UTS2: variants seen among roughly 807,000 people sequenced by gnomAD.
The protein encoded by UTS2 is urotensin 2.
Under a neutral mutation model 12.6 loss-of-function variants are expected in UTS2, and 10 were observed. That is an observed-to-expected ratio of 0.80 (90% CI 0.49 to 1.35). The LOEUF is 1.35. Ranked by LOEUF, UTS2 falls within the 40% of genes most tolerant of loss-of-function variation. The pLI is 0.00. For synonymous variants in UTS2, 52 were observed against 50.0 expected, an observed-to-expected ratio of 1.04 and a Z score of -0.17; for missense variants, 142 against 143.2, an observed-to-expected ratio of 0.99 and a Z score of 0.04.
At chr1:7,889,946 G>A in the UTS2 span, among the ~76,000 whole-genome samples, 1 of 151,702 alleles carries the variant, frequency 6.6e-6, no homozygotes. Flanking sequence ...GGGTGCCTGT[G>A]ATCCCAGCTA....
At chr1:7,874,571 G>A in the UTS2 span, among the ~76,000 whole-genome samples, 1 of 152,178 alleles carries the variant, frequency 6.6e-6, no homozygotes, top group African/African-American at 2.4e-5. Flanking sequence ...CACCAGGGAG[G>A]CTGCCCCTGG....
Position 7,847,615 on chromosome 1 carries a change from G to A in UTS2, c.*151C>T. 1 of 651,522 alleles carries A rather than the reference G, an allele frequency of 1.5e-6. No individual in the cohort carries two copies. Among genetic ancestry groups the A allele is most frequent in the East Asian group, 2.6e-5 (1 of 38,398 alleles). 40.4% of individuals were successfully genotyped at this position (651,522 alleles called of 1,614,324 possible). On this transcript the variant is annotated 3_prime_UTR_variant, in exon 4 of 4. Coordinates refer to ENST00000361696, the MANE Select transcript of UTS2 (RefSeq NM_006786.4). ...GGGAAAATAACCACTCATGATATGT[G>A]CAAAACATAGAGGATTTATTTTCCA...
chr1:7,885,816 GGT>G, the UTS2 span, among the ~76,000 whole-genome samples: 1 of 131,528 alleles, frequency 7.6e-6, no homozygotes, highest in Non-Finnish European at 1.6e-5. Flanking sequence ...AGCCAGGAAA[GGT>G]GAGGTGGGGA....
At chr1:7,884,065 T>C in the UTS2 span, among the ~76,000 whole-genome samples, 114,035 of 151,968 alleles carry the variant, frequency 0.75, 43,732 homozygotes, top group African/African-American at 0.91. Context: ...CCACCTGCCT[T>C]GGCCTCCCAA....
chr1:7,861,912 C>T, the UTS2 span, among the ~76,000 whole-genome samples: 3 of 151,050 alleles, frequency 2.0e-5, no homozygotes, highest in East Asian at 1.9e-4. Context: ...TAACAAAACA[C>T]CTCTTTTTTT....
chr1:7,875,332 C>G, the UTS2 span, among the ~76,000 whole-genome samples: 1 of 152,348 alleles, frequency 6.6e-6, no homozygotes, highest in African/African-American at 2.4e-5. Flanking sequence ...CCTCGGCCTC[C>G]CAAAGGACTG....
chr1:7,901,439 A>C, the UTS2 span, among the ~76,000 whole-genome samples: 18,377 of 152,102 alleles, frequency 0.12, 2,468 homozygotes, highest in East Asian at 0.56. Flanking sequence ...TTTATGGAGG[A>C]AAATGTTAGC....
At chr1:7,848,937 AT>A (rs1167704834) in intron 3 of UTS2, among the ~76,000 whole-genome samples, 3 of 151,982 alleles carry the variant, frequency 2.0e-5, no homozygotes, top group Non-Finnish European at 2.9e-5. Context: ...TAAGATGCAG[AT>A]TTTGCTTCCG....
chr1:7,848,003 A>AT (rs2097409618), intron 3 of UTS2, 121 bp from the exon 4 acceptor site: 4 of 723,264 alleles, frequency 5.5e-6, no homozygotes, highest in Non-Finnish European at 9.1e-6. Context: ...AAGTATTTGC[A>AT]TTTTTCCCTG....
At chr1:7,855,019 G>A (rs1638278338), upstream of UTS2, among the ~76,000 whole-genome samples, 1 of 151,896 alleles carries the variant, frequency 6.6e-6, no homozygotes, top group Non-Finnish European at 1.5e-5. Flanking sequence ...AAATTAGCTG[G>A]GCGTGGTGGC....
At chr1:7,860,154 C>G in the UTS2 span, among the ~76,000 whole-genome samples, 1 of 152,096 alleles carries the variant, frequency 6.6e-6, no homozygotes, top group Non-Finnish European at 1.5e-5. Context: ...CAAAACAGAC[C>G]AAGCCTCACC....
At chr1:7,899,948 C>G in the UTS2 span, among the ~76,000 whole-genome samples, 1 of 152,156 alleles carries the variant, frequency 6.6e-6, no homozygotes, top group African/African-American at 2.4e-5. Context: ...CTCTCAGATA[C>G]AGCAATTGGC....
At chr1:7,874,274 T>C in the UTS2 span, among the ~76,000 whole-genome samples, 1 of 152,112 alleles carries the variant, frequency 6.6e-6, no homozygotes, top group Admixed American at 6.5e-5. Context: ...GCTTTGAGAC[T>C]AGTATAGAGA....
chr1:7,860,405 G>A, the UTS2 span, among the ~76,000 whole-genome samples: 2 of 152,100 alleles, frequency 1.3e-5, no homozygotes, highest in Non-Finnish European at 2.9e-5. Context: ...GGCCCGTGTG[G>A]TTCAGTGTGA....
At chr1:7,905,146 TC>T in the UTS2 span, among the ~76,000 whole-genome samples, 2 of 143,758 alleles carry the variant, frequency 1.4e-5, no homozygotes, top group African/African-American at 2.9e-5. Flanking sequence ...ATTTCTTTTT[TC>T]TTTTTTTTTT....
chr1:7,853,824 T>G (rs888614398), upstream of UTS2, among the ~76,000 whole-genome samples: 1 of 152,250 alleles, frequency 6.6e-6, no homozygotes, highest in Non-Finnish European at 1.5e-5. Flanking sequence ...TCCTGAAGTC[T>G]GCCTTCGGGC....
chr1:7,906,451 G>GAA, the UTS2 span, among the ~76,000 whole-genome samples: 18 of 80,324 alleles, frequency 2.2e-4, no homozygotes, highest in African/African-American at 9.1e-4. Context: ...AAGAAAAAGA[G>GAA]AAAGAAAGAA....
At chr1:7,888,474 A>T in the UTS2 span, among the ~76,000 whole-genome samples, 1 of 152,130 alleles carries the variant, frequency 6.6e-6, no homozygotes, top group Non-Finnish European at 1.5e-5. Flanking sequence ...TAAGGTCAGT[A>T]GTATAACTTT....
the UTS2 span, among the ~76,000 whole-genome samples, chr1:7,907,904 G>A: frequency 6.6e-6 from 1 of 152,140 alleles, no homozygotes; most frequent in African/African-American, 2.4e-5. Flanking sequence ...GCTAGCACCT[G>A]TAATCCCAGC....
Sources: allele counts gnomAD v4.1 joint callset (sites outside exome capture counted in the v4.1 genomes callset), GRCh38; gene constraint gnomAD v4.1.1; transcripts MANE v1.5; gene names NCBI Gene and HGNC (gene_info 2026-07-23, HGNC 2026-07-21).